GUCY1A1: variants seen among roughly 807,000 people sequenced by gnomAD.
GUCY1A1 encodes the protein guanylate cyclase soluble subunit alpha-1.
GUCY1A1 carries 48 observed loss-of-function variants against 64.5 expected under a neutral mutation model. The observed-to-expected ratio is 0.74, with a 90% CI of 0.59 to 0.95. GUCY1A1 has a LOEUF of 0.95. GUCY1A1 is among the 40% of genes least tolerant of loss of function. The probability of loss-of-function intolerance (pLI) is 0.00; values close to 1 mark genes in which losing one functional copy is unlikely to be tolerated. For synonymous variants in GUCY1A1, 308 were observed against 303.4 expected, an observed-to-expected ratio of 1.02 and a Z score of -0.16; for missense variants, 804 against 825.3, an observed-to-expected ratio of 0.97 and a Z score of 0.32.
chr4:155,682,923 G>A (rs186327466), intron 2 of GUCY1A1, among the ~76,000 whole-genome samples: 67 of 151,916 alleles, frequency 4.4e-4, no homozygotes, highest in Admixed American at 4.3e-3. Flanking sequence ...TGTTTTTTCT[G>A]GTTCATGTTT....
chr4:155,721,838 A>G (rs1733990499), intron 8 of GUCY1A1, among the ~76,000 whole-genome samples, 200 bp from the exon 9 acceptor site: 1 of 152,166 alleles, frequency 6.6e-6, no homozygotes, highest in Non-Finnish European at 1.5e-5. Flanking sequence ...GAAAAGAGTT[A>G]AGAAGTGTGA....
Position 155,731,890 on chromosome 4 carries a change from A to G in GUCY1A1, c.*1659A>G, listed in dbSNP as rs181466945. ...GCTGTTTACTAAGTGATAACCCCGT[A>G]TCTTACAGGACTGACTTTGACTCAA... is the stretch of plus-strand genomic sequence containing the variant. On this transcript the variant is annotated 3_prime_UTR_variant, in exon 10 of 10. Coordinates refer to ENST00000506455, the MANE Select transcript of GUCY1A1 (RefSeq NM_001130682.3). 4 of 151,882 alleles carry G rather than the reference A, an allele frequency of 2.6e-5. No homozygotes were observed. Among genetic ancestry groups the G allele is most frequent in the Admixed American group, 1.3e-4 (2 of 15,196 alleles). 9.4% of individuals were successfully genotyped at this position (151,882 alleles called of 1,614,324 possible). A position where few individuals can be genotyped will look rare whatever the true frequency, so the allele number is the denominator to read the frequency against.
intron 8 of GUCY1A1, among the ~76,000 whole-genome samples, chr4:155,719,911 C>T (rs1315411165): frequency 1.3e-5 from 2 of 152,198 alleles, no homozygotes; most frequent in Non-Finnish European, 2.9e-5. Context: ...CAGAATTCTG[C>T]CTTTGCCTTT....
chr4:155,720,023 A>G (rs1733754185), intron 8 of GUCY1A1, among the ~76,000 whole-genome samples: 1 of 152,130 alleles, frequency 6.6e-6, no homozygotes, highest in Admixed American at 6.6e-5. Flanking sequence ...GATGAATTTG[A>G]AAAGCTCTGT....
chr4:155,718,493 C>T (rs936502245), intron 8 of GUCY1A1, among the ~76,000 whole-genome samples: 1 of 152,054 alleles, frequency 6.6e-6, no homozygotes, highest in Non-Finnish European at 1.5e-5. Flanking sequence ...GCAGGAATAC[C>T]TCGTCTGTGC....
At chr4:155,676,948 G>A (rs1735031046) in intron 2 of GUCY1A1, among the ~76,000 whole-genome samples, 1 of 151,426 alleles carries the variant, frequency 6.6e-6, no homozygotes. Context: ...CTGTACAGGG[G>A]CACATGCAGA....
intron 9 of GUCY1A1, among the ~76,000 whole-genome samples, chr4:155,728,849 G>C (rs1177461788): frequency 6.6e-6 from 1 of 151,830 alleles, no homozygotes; most frequent in African/African-American, 2.4e-5. Context: ...TGTGCTGCTA[G>C]AGCTATCAGA....
Position 155,680,651 on chromosome 4 carries a change from T to A in GUCY1A1, c.-113+13232T>A, listed in dbSNP as rs184949127. ...ACATAAACAGTTGATTGACATGTAT[T>A]ATATACTGTATTCTTAAAATAAAGT... On this transcript the variant is annotated intron_variant, in intron 2 of 9. Coordinates refer to ENST00000506455, the MANE Select transcript of GUCY1A1 (RefSeq NM_001130682.3). Among the ~76,000 whole-genome samples the A allele has an allele frequency of 2.1e-3, 324 of 152,244 alleles. 3 individuals carry two copies. The highest frequency in any genetic ancestry group is 7.3e-3 in the African/African-American group (304 of 41,532).
chr4:155,724,754 CTA>C (rs1734431145), intron 9 of GUCY1A1, among the ~76,000 whole-genome samples: 1 of 151,966 alleles, frequency 6.6e-6, no homozygotes, highest in South Asian at 2.1e-4. Flanking sequence ...TTTTATGACT[CTA>C]ACTATTTTTT....
At chr4:155,691,928 G>A (rs577923067) in intron 2 of GUCY1A1, among the ~76,000 whole-genome samples, 1 of 152,076 alleles carries the variant, frequency 6.6e-6, no homozygotes, top group South Asian at 2.1e-4. Context: ...TATTTTTCTT[G>A]ATCCCCTCCC....
intron 2 of GUCY1A1, among the ~76,000 whole-genome samples, chr4:155,673,869 T>A (rs1168164681): frequency 6.6e-6 from 1 of 151,536 alleles, no homozygotes; most frequent in Non-Finnish European, 1.5e-5. Flanking sequence ...CAAGCCTAAA[T>A]TGCATGCCTT....
In GUCY1A1 at chr4:155,696,832, G is replaced by A; in HGVS notation, c.-36G>A. ...CTCATATAAGAACTACAGCTCATCAGGAGGAGATCGCAGCAGGGTAAGAGA... is the reference window on the plus strand; with the variant it reads ...CTCATATAAGAACTACAGCTCATCAAGAGGAGATCGCAGCAGGGTAAGAGA... On this transcript the variant is annotated 5_prime_UTR_variant, in exon 3 of 10. Transcript: ENST00000506455. 6.2e-7 allele frequency: 1 copy of A among 1,603,632 alleles called. No homozygotes were observed. Among genetic ancestry groups the A allele is most frequent in the Non-Finnish European group, 8.5e-7 (1 of 1,171,532 alleles).
chr4:155,693,174 G>A (rs1431825325), intron 2 of GUCY1A1, among the ~76,000 whole-genome samples: 1 of 152,130 alleles, frequency 6.6e-6, no homozygotes, highest in East Asian at 1.9e-4. Context: ...TAGGCCAGTA[G>A]CTGGGTCATT....
At chr4:155,726,710 C>A (rs1196197206) in intron 9 of GUCY1A1, among the ~76,000 whole-genome samples, 2 of 151,908 alleles carry the variant, frequency 1.3e-5, no homozygotes, top group African/African-American at 4.8e-5. Flanking sequence ...AGTGTAATGA[C>A]AGTTATACAC....
intron 2 of GUCY1A1, among the ~76,000 whole-genome samples, chr4:155,684,665 G>A (rs1044764301): frequency 6.6e-5 from 10 of 152,088 alleles, no homozygotes; most frequent in African/African-American, 2.4e-5. Context: ...AAATTTCTCT[G>A]AGAAACGTAC....
chr4:155,679,982 C>T (rs1187026217), intron 2 of GUCY1A1, among the ~76,000 whole-genome samples: 1 of 152,116 alleles, frequency 6.6e-6, no homozygotes. Flanking sequence ...AGTTTTGAAG[C>T]AGGTATATAA....
Position 155,697,020 on chromosome 4 carries a change from T to G in GUCY1A1, c.153T>G (p.Pro51=). 1 of 1,613,504 alleles carries G rather than the reference T, an allele frequency of 6.2e-7. No individual in the cohort carries two copies. The highest frequency in any genetic ancestry group is 8.5e-7 in the Non-Finnish European group (1 of 1,179,434). The part of the protein sequence containing the change: ...KATVPICQDI[P]EKNIQESLPQ... ...CCGTGCCCATCTGTCAAGACATTCCTGAGAAGAACATACAAGAAAGTCTTC... is the reference window on the plus strand; with the variant it reads ...CCGTGCCCATCTGTCAAGACATTCCGGAGAAGAACATACAAGAAAGTCTTC... Residue 51 remains proline, a synonymous_variant, in exon 3 of 10, where the codon CCT becomes CCG. Transcript: ENST00000506455.
intron 4 of GUCY1A1, among the ~76,000 whole-genome samples, chr4:155,706,121 C>A (rs1223136819): frequency 6.6e-6 from 1 of 152,132 alleles, no homozygotes; most frequent in African/African-American, 2.4e-5. Flanking sequence ...AAAACTTAAG[C>A]CAACAATAAT....
chr4:155,708,659 G>A (rs1560946712), intron 5 of GUCY1A1, among the ~76,000 whole-genome samples: 4 of 152,250 alleles, frequency 2.6e-5, no homozygotes, highest in African/African-American at 9.6e-5. Flanking sequence ...TGGGAAAAAA[G>A]TTAACAGTAT....
Sources: gnomAD v4.1 joint callset for allele counts (sites outside exome capture counted in the v4.1 genomes callset) on GRCh38, gnomAD v4.1.1 for gene constraint, MANE v1.5 for transcripts, NCBI Gene and HGNC (gene_info 2026-07-23, HGNC 2026-07-21) for gene names.